SLC39A4: variants seen among roughly 807,000 people sequenced by gnomAD.
SLC39A4 encodes the protein zinc transporter ZIP4.
Under a neutral mutation model 56.6 loss-of-function variants are expected in SLC39A4, and 49 were observed. That is an observed-to-expected ratio of 0.87 (90% CI 0.69 to 1.10). The LOEUF (loss-of-function observed/expected upper bound fraction) is 1.10. Among genes scored for constraint, SLC39A4 ranks in the 50% least tolerant of loss-of-function variants. SLC39A4 has a pLI of 0.00. For synonymous variants in SLC39A4, 540 were observed against 420.4 expected (o/e 1.28, Z -3.48); for missense variants, 993 against 864.2 (o/e 1.15, Z -1.87).
At position 144,414,019 on chromosome 8, in the gene SLC39A4, C is replaced by A; in HGVS notation, c.1226G>T (p.Gly409Val). 2 of 1,600,404 alleles carry A rather than the reference C, an allele frequency of 1.2e-6. No homozygotes were observed. Among genetic ancestry groups the A allele is most frequent in the Non-Finnish European group, 1.7e-6 (2 of 1,173,434 alleles). The change falls in exon 7 of 12, where the codon GGG (glycine) becomes GTG (valine). Residue 409 changes from glycine to valine, a missense_variant. Physicochemically the swap from Gly to Val is moderately radical, Grantham distance 109. Coordinates refer to ENST00000301305, the MANE Select transcript of SLC39A4 (RefSeq NM_130849.4). The stretch of plus-strand genomic sequence containing the variant: ...CTCAAACAGGAAGAAGGCGTAGAGC[C>A]CGGCCAGCATAGCCAGGAGGCGCCA... Reference protein sequence around the residue: ...PTWRLLAMLAGLYAFFLFENL... With the variant: ...PTWRLLAMLAVLYAFFLFENL...
At chr8:144,416,150 C>T (rs782556803) in intron 1 of SLC39A4, 59 bp from the exon 2 acceptor site, 2 of 1,596,142 alleles carry the variant, frequency 1.3e-6, no homozygotes, top group Non-Finnish European at 1.7e-6. Context: ...GAGAGGCAGG[C>T]CTGGCCAGGG....
rs574571465 is a variant in SLC39A4, at chr8:144,413,562, C to A, written c.1425G>T (p.Ala475=). 3 of 1,553,314 alleles carry A rather than the reference C, an allele frequency of 1.9e-6. No homozygotes were observed. The highest frequency in any genetic ancestry group is 1.9e-5 in the Admixed American group (1 of 51,554). The stretch of plus-strand genomic sequence containing the variant: ...GGTTCAGCAGCTCCGGGCTCTCCTC[C>A]GCCACCTGGGAGGAGCCTTGAGTAA... ...PHEGSRADLV[A]EESPELLNPE... Residue 475 remains alanine (A), a synonymous_variant, in exon 9 of 12, where the codon GCG becomes GCT. Transcript: ENST00000301305.
Position 144,413,349 on chromosome 8 carries a change from G to C in SLC39A4, c.1515C>G (p.Ala505=), listed in dbSNP as rs781981803. ...LLPYMITLGD[A]VHNFADGLAV... is the part of the protein sequence containing the mutation. ...CCAGCCCGTCGGCGAAGTTGTGCAC[G>C]GCGTCGCCCAGAGTGATCATATAGG... is the stretch of plus-strand genomic sequence containing the variant. Residue 505 remains alanine, a synonymous_variant, in exon 10 of 12, where the codon GCC becomes GCG. Coordinates refer to ENST00000301305, the MANE Select transcript of SLC39A4 (RefSeq NM_130849.4). 4 of 1,607,140 alleles carry C rather than the reference G, an allele frequency of 2.5e-6. No individual in the cohort carries two copies.
chr8:144,414,995 G>A lies in SLC39A4; in HGVS notation c.783C>T (p.Asn261=), dbSNP rs782110057. 4.3e-6 allele frequency: 7 copies of A among 1,612,308 alleles called. No individual in the cohort carries two copies. In the Admixed American group the frequency reaches 1.2e-4, roughly 27 times the overall value. Residue 261 remains asparagine (N), a synonymous_variant, in exon 4 of 12, where the codon AAC becomes AAT. Transcript: ENST00000301305. ...RDPVPLISSS[N]SSSVWDTVCL... Reference sequence around the variant, plus strand: ...TCACCGTGTCCCACACACTGGAGCTGTTGCTGGAGCTGATGAGGGGCACAG... The same window carrying A: ...TCACCGTGTCCCACACACTGGAGCTATTGCTGGAGCTGATGAGGGGCACAG...
intron 8 of SLC39A4, 36 bp from the exon 9 acceptor site, chr8:144,413,603 G>A: frequency 1.3e-6 from 2 of 1,549,042 alleles, no homozygotes; most frequent in Non-Finnish European, 1.7e-6. Flanking sequence ...GCCCGGAAGT[G>A]GAGGAGGAAC....
Position 144,414,357 on chromosome 8 carries a change from C to A in SLC39A4, c.1054G>T (p.Gly352Cys). 1 of 1,589,030 alleles carries A rather than the reference C, an allele frequency of 6.3e-7. No individual in the cohort carries two copies. The highest frequency in any genetic ancestry group is 1.8e-5 in the Admixed American group (1 of 54,114). ...VFGLLLLTCT[G>C]CRGVTHYILQ... ...ATGTAGTGGGTGACCCCCCTGCAGC[C>A]AGTGCAGGTCAGCAGCAGGAGGCCA... The change falls in exon 6 of 12, where the codon GGC (glycine) becomes TGC (cysteine). Residue 352 changes from glycine (G) to cysteine (C), a missense_variant. Coordinates refer to ENST00000301305, the MANE Select transcript of SLC39A4 (RefSeq NM_130849.4).
rs374075538 is a variant in SLC39A4, at chr8:144,412,615, G to A, written c.1867C>T (p.Leu623=). The A allele has an allele frequency of 6.2e-7, 1 of 1,614,050 alleles. No homozygotes were observed. The highest frequency in any genetic ancestry group is 1.3e-5 in the African/African-American group (1 of 74,932). Residue 623 remains leucine (L), a synonymous_variant, in exon 12 of 12, where the codon CTG becomes TTG. Transcript: ENST00000301305. ...RDPRPWLLFL[L]HNVGLLGGWT... is the part of the protein sequence containing the mutation. The stretch of plus-strand genomic sequence containing the variant: ...CCGCCCAGCAGGCCCACGTTGTGCA[G>A]CAGGAAGAGGAGCCAGGGCCGCGGG...
At chr8:144,415,472 AC>A in intron 2 of SLC39A4, 53 bp from the exon 3 acceptor site, 1 of 1,524,636 alleles carries the variant, frequency 6.6e-7, no homozygotes, top group Non-Finnish European at 8.8e-7. Context: ...TCTGCCATCC[AC>A]CCCGCTGCCC....
At position 144,415,360 on chromosome 8, in the gene SLC39A4, A is replaced by T. The variant is rs781983087; in HGVS notation, c.534T>A (p.Ser178Arg). The stretch of plus-strand genomic sequence containing the variant: ...GCAGGGCAGCCAGGACGCCGCCAGC[A>T]CTGCCCGGAGCCCCCGCCCCCACCG... Reference protein sequence around the residue: ...EEAVGAGAPGSAGGVLAALLD... With the variant: ...EEAVGAGAPGRAGGVLAALLD... Residue 178 changes from serine to arginine, a missense_variant, in exon 3 of 12, where the codon AGT (serine) becomes AGA (arginine). Physicochemically the swap from Ser to Arg is moderately radical, Grantham distance 110. Transcript: ENST00000301305. The T allele has an allele frequency of 8.1e-6, 13 of 1,610,830 alleles. No homozygotes were observed. The highest frequency in any genetic ancestry group is 5.5e-5 in the South Asian group (5 of 90,888).
Position 144,416,578 on chromosome 8 carries a change from C to T in SLC39A4, c.192+20G>A, listed in dbSNP as rs530403954. The stretch of plus-strand genomic sequence containing the variant: ...CGGGAAGAGGCCAGGGCTGGGGGAC[C>T]CGTCGGGTGGGGCTGTTACCTTTCC... On this transcript the variant is annotated intron_variant, in intron 1 of 11. Transcript: ENST00000301305. 1.3e-6 allele frequency: 2 copies of T among 1,559,996 alleles called. No individual in the cohort carries two copies. Among genetic ancestry groups the T allele is most frequent in the South Asian group, 2.3e-5 (2 of 85,344 alleles).
Position 144,415,030 on chromosome 8 carries a change from T to C in SLC39A4, c.748A>G (p.Ser250Gly), listed in dbSNP as rs1554873381. Reference sequence around the variant, plus strand: ...CTGATGAGGGGCACAGGGTCCCGGCTGCTGGCTCCCCTGTGCCGATGACTG... The same window carrying C: ...CTGATGAGGGGCACAGGGTCCCGGCCGCTGGCTCCCCTGTGCCGATGACTG... ...DHSHRHRGASSRDPVPLISSS... is the reference protein window; with the variant it reads ...DHSHRHRGASGRDPVPLISSS... Residue 250 changes from serine (S) to glycine (G), a missense_variant, in exon 4 of 12, where the codon AGC becomes GGC. Physicochemically the swap from Ser to Gly is moderately conservative, Grantham distance 56. Transcript: ENST00000301305. The C allele has an allele frequency of 8.7e-6, 14 of 1,611,794 alleles. No homozygotes were observed. Among genetic ancestry groups the C allele is most frequent in the Middle Eastern group, 3.3e-4 (2 of 6,058 alleles).
At position 144,415,351 on chromosome 8, in the gene SLC39A4, G is replaced by A. The variant is rs565516931; in HGVS notation, c.543C>T (p.Gly181=). ...VGAGAPGSAG[G]VLAALLDHVR... ...CATGGTCCAGCAGGGCAGCCAGGAC[G>A]CCGCCAGCACTGCCCGGAGCCCCCG... The change falls in exon 3 of 12, where the codon GGC becomes GGT. Residue 181 remains glycine, a synonymous_variant. Coordinates refer to ENST00000301305, the MANE Select transcript of SLC39A4 (RefSeq NM_130849.4). 95 of 1,611,412 alleles carry A rather than the reference G, an allele frequency of 5.9e-5. No homozygotes were observed. Among genetic ancestry groups the A allele is most frequent in the Admixed American group, 1.2e-4 (7 of 59,838 alleles).
Position 144,412,694 on chromosome 8 carries a change from C to T in SLC39A4, c.1816-28G>A, listed in dbSNP as rs1224102139. On this transcript the variant is annotated intron_variant, in intron 11 of 11. Transcript: ENST00000301305. ...GAGGAGCAAGTGGGCACCGGGTCAG[C>T]GCCCCTGCTCAGCTCCTCTGCTCAG... 5 of 1,613,412 alleles carry T rather than the reference C, an allele frequency of 3.1e-6. No homozygotes were observed. In the Admixed American group the frequency reaches 6.7e-5, roughly 22 times the overall value.
chr8:144,413,602 T>TGGA, intron 8 of SLC39A4, 35 bp from the exon 9 acceptor site: 1 of 1,548,702 alleles, frequency 6.5e-7, no homozygotes, highest in Non-Finnish European at 8.7e-7. Context: ...CGCCCGGAAG[T>TGGA]GGAGGAGGAA....
chr8:144,416,385 G>C (rs541451386), intron 1 of SLC39A4: 9 of 1,449,986 alleles, frequency 6.2e-6, no homozygotes, highest in Non-Finnish European at 8.1e-6. Context: ...CTGGGGTCCT[G>C]GGGAGAAGAG....
rs377147012 is a variant in SLC39A4, at chr8:144,414,072, G to C, written c.1173C>G (p.Ser391Arg). 1.3e-5 allele frequency: 21 copies of C among 1,562,102 alleles called. No homozygotes were observed. In the East Asian group the frequency reaches 2.4e-4, roughly 18 times the overall value. ...TGGGCTGTGGGCTGAGGCCCTCTTCGCTGTGTGTATGCAGCCCCAGCACCT... is the reference window on the plus strand; with the variant it reads ...TGGGCTGTGGGCTGAGGCCCTCTTCCCTGTGTGTATGCAGCCCCAGCACCT... ...TPKVLGLHTH[S>R]EEGLSPQPTW... The change falls in exon 7 of 12, where the codon AGC becomes AGG. Residue 391 changes from serine to arginine, a missense_variant. Coordinates refer to ENST00000301305, the MANE Select transcript of SLC39A4 (RefSeq NM_130849.4).
At position 144,414,882 on chromosome 8, in the gene SLC39A4, G is replaced by A; in HGVS notation, c.819C>T (p.Ala273=). The A allele has an allele frequency of 6.2e-7, 1 of 1,613,292 alleles. No homozygotes were observed. Among genetic ancestry groups the A allele is most frequent in the South Asian group, 1.1e-5 (1 of 91,090 alleles). Reference sequence around the variant, plus strand: ...GTCCATATGCAGCCATCACGTCCCTGGCACTCAGGCATACCTGGGGGGTGG... The same window carrying A: ...GTCCATATGCAGCCATCACGTCCCTAGCACTCAGGCATACCTGGGGGGTGG... The part of the protein sequence containing the change: ...SSVWDTVCLS[A]RDVMAAYGLS... Residue 273 remains alanine (A), a synonymous_variant, in exon 5 of 12, where the codon GCC becomes GCT. Coordinates refer to ENST00000301305, the MANE Select transcript of SLC39A4 (RefSeq NM_130849.4).
At position 144,416,497 on chromosome 8, in the gene SLC39A4, C is replaced by T. The variant is rs532705416; in HGVS notation, c.192+101G>A. 23 of 1,491,474 alleles carry T rather than the reference C, an allele frequency of 1.5e-5. No homozygotes were observed. In the African/African-American group the frequency reaches 2.8e-4, roughly 18 times the overall value. The allele number at this position is 1,491,474 out of a possible 1,614,324, so 92.4% of individuals were successfully genotyped here. On this transcript the variant is annotated intron_variant, in intron 1 of 11. Coordinates refer to ENST00000301305, the MANE Select transcript of SLC39A4 (RefSeq NM_130849.4). ...GCCCAGGTACTGCCACTAGCCTCCT[C>T]CGCCTCCTGGAGTTTGCCCAGGGCC...
rs1163354277 is a variant in SLC39A4 at position 144,413,444 on chromosome 8, T to C, written c.1475-55A>G. 6 of 1,585,938 alleles carry C rather than the reference T, an allele frequency of 3.8e-6. No individual in the cohort carries two copies. The African/African-American group carries it at 8.1e-5, about 21-fold the overall frequency. On this transcript the variant is annotated intron_variant, in intron 9 of 11. Transcript: ENST00000301305. ...TGGCCTGTCGCCTACCGCCAAGCCT[T>C]GGGCCCCACCCGCGCTCCACACAAA...
Sources: allele counts gnomAD v4.1 joint callset, GRCh38; gene constraint gnomAD v4.1.1; transcripts MANE v1.5; gene names NCBI Gene and HGNC (gene_info 2026-07-23, HGNC 2026-07-21).